SERP2: variants seen among roughly 807,000 people sequenced by gnomAD.
The protein encoded by SERP2 is stress associated endoplasmic reticulum protein family member 2, also known as stress-associated endoplasmic reticulum protein 2.
In SERP2, 6 loss-of-function variants were observed where a neutral mutation model predicts 9.1. The observed-to-expected ratio is 0.66, with a 90% CI of 0.36 to 1.30. The LOEUF (loss-of-function observed/expected upper bound fraction) is 1.30. SERP2 is among the 50% of genes most tolerant of loss of function. The probability of loss-of-function intolerance (pLI) is 0.03; values close to 1 mark genes in which losing one functional copy is unlikely to be tolerated. For synonymous variants in SERP2, 37 were observed against 27.3 expected, an observed-to-expected ratio of 1.35 and a Z score of -1.10; for missense variants, 58 against 81.9, an observed-to-expected ratio of 0.71 and a Z score of 1.13.
In SERP2 at chr13:44,379,634, C is replaced by A; in HGVS notation, c.85-7C>A. 1 of 1,608,432 alleles carries A rather than the reference C, an allele frequency of 6.2e-7. No homozygotes were observed. The highest frequency in any genetic ancestry group is 1.7e-5 in the Admixed American group (1 of 59,138). ...ACCTAATCTTACTTTTTCCCATTCCCTTTTAGAGGCCGCAAGAGGAGAAAT... is the reference window on the plus strand; with the variant it reads ...ACCTAATCTTACTTTTTCCCATTCCATTTTAGAGGCCGCAAGAGGAGAAAT... On this transcript the variant is annotated splice_polypyrimidine_tract_variant and splice_region_variant and intron_variant, in intron 1 of 2. Transcript: ENST00000379179.
intron 2 of SERP2, among the ~76,000 whole-genome samples, chr13:44,395,400 C>A (rs1175719148): frequency 6.6e-6 from 1 of 151,918 alleles, no homozygotes; most frequent in Non-Finnish European, 1.5e-5. Context: ...GTCAGGAGAT[C>A]GAGACCATTC....
chr13:44,392,697 G>A (rs1458670034), intron 2 of SERP2, among the ~76,000 whole-genome samples: 1 of 152,136 alleles, frequency 6.6e-6, no homozygotes, highest in African/African-American at 2.4e-5. Flanking sequence ...ACGAGATCAT[G>A]AGAAGGTCCT....
rs1475025317 is a variant in SERP2, at chr13:44,374,085, G to C, written c.60G>C (p.Gln20His). The C allele has an allele frequency of 6.3e-7, 1 of 1,582,066 alleles. No individual in the cohort carries two copies. The highest frequency in any genetic ancestry group is 8.6e-7 in the Non-Finnish European group (1 of 1,165,434). The change falls in exon 1 of 3, where the codon CAG (glutamine) becomes CAC (histidine). Residue 20 changes from glutamine (Q) to histidine (H), a missense_variant. Transcript: ENST00000379179. ...AGAAGCACAGCAAAAACATCACCCA[G>C]AGGGGGAACGTAGCCAAAACCCTGG... The part of the protein sequence containing the change: ...ANEKHSKNIT[Q>H]RGNVAKTLRP...
chr13:44,388,673 G>A (rs1281947003), intron 2 of SERP2, among the ~76,000 whole-genome samples: 3 of 152,198 alleles, frequency 2.0e-5, no homozygotes, highest in African/African-American at 7.2e-5. Flanking sequence ...TGCCTGCTGC[G>A]GGTTGCGGGA....
intron 2 of SERP2, among the ~76,000 whole-genome samples, chr13:44,390,169 C>T (rs1057068846): frequency 3.3e-5 from 5 of 152,168 alleles, no homozygotes. Flanking sequence ...TAAAACATCC[C>T]CTATTTTTCC....
intron 1 of SERP2, 72 bp downstream of exon 1, chr13:44,374,181 G>GGGGGGGGGGGGGGGGGGGC: frequency 2.2e-6 from 1 of 448,636 alleles, no homozygotes; most frequent in Non-Finnish European, 3.5e-6. Flanking sequence ...TGGGGGCGGG[G>GGGGGGGGGGGGGGGGGGGC]CCGGGCGGGT....
At chr13:44,379,855 G>A in intron 2 of SERP2, 142 bp downstream of exon 2, 1 of 581,178 alleles carries the variant, frequency 1.7e-6, no homozygotes, top group Non-Finnish European at 3.1e-6. Flanking sequence ...AATCTTAATG[G>A]GTTTTGATTT....
At position 44,390,343 on chromosome 13, in the gene SERP2, C is replaced by T. The variant is rs1030726247; in HGVS notation, c.158-6929C>T. 3.2e-5 allele frequency: 13 copies of T among 410,074 alleles called. No individual in the cohort carries two copies. In the East Asian group the frequency reaches 5.0e-4, roughly 16 times the overall value. The allele number at this position is 410,074 out of a possible 1,614,324, so 25.4% of individuals were successfully genotyped here. On this transcript the variant is annotated intron_variant, in intron 2 of 2. Coordinates refer to ENST00000379179, the MANE Select transcript of SERP2 (RefSeq NM_001010897.3). ...ACTTGCTCCAGGACAGACTTGAATT[C>T]GCCATATTTGCAGGTCAACCACATA... is the stretch of plus-strand genomic sequence containing the variant.
chr13:44,395,512 G>C (rs1388223382), intron 2 of SERP2, among the ~76,000 whole-genome samples: 1 of 150,722 alleles, frequency 6.6e-6, no homozygotes, highest in Non-Finnish European at 1.5e-5. Context: ...CCTGAGGCAG[G>C]AGAATGGCGT....
At chr13:44,392,842 T>G (rs1252531344) in intron 2 of SERP2, among the ~76,000 whole-genome samples, 3 of 151,974 alleles carry the variant, frequency 2.0e-5, no homozygotes, top group African/African-American at 7.3e-5. Flanking sequence ...CAATTCAAAC[T>G]GTGGGCTGGG....
At chr13:44,389,471 G>A (rs1872511590) in intron 2 of SERP2, among the ~76,000 whole-genome samples, 1 of 152,180 alleles carries the variant, frequency 6.6e-6, no homozygotes, top group African/African-American at 2.4e-5. Context: ...AGTGTTTGCT[G>A]TTCTTGTAAT....
Position 44,373,837 on chromosome 13 carries a change from C to G in SERP2, c.-189C>G. ...AGATGAGAGATTACTTCCGTCCGGG[C>G]TGCGGCCTCTCTCTGGAGTCGGCTA... On this transcript the variant is annotated 5_prime_UTR_variant, in exon 1 of 3. Coordinates refer to ENST00000379179, the MANE Select transcript of SERP2 (RefSeq NM_001010897.3). The surrounding 1 kb of genome is among the most constrained non-coding windows in gnomAD (Gnocchi z 4.8). 1 of 534,544 alleles carries G rather than the reference C, an allele frequency of 1.9e-6. No individual in the cohort carries two copies. The highest frequency in any genetic ancestry group is 2.0e-5 in the African/African-American group (1 of 48,968). The allele number at this position is 534,544 out of a possible 1,614,324, so 33.1% of individuals were successfully genotyped here.
chr13:44,386,613 G>C (rs1872333084), intron 2 of SERP2, among the ~76,000 whole-genome samples: 1 of 152,162 alleles, frequency 6.6e-6, no homozygotes, highest in Non-Finnish European at 1.5e-5. Context: ...CAAACTCCTG[G>C]CCTCAAGTGA....
intron 2 of SERP2, among the ~76,000 whole-genome samples, chr13:44,389,454 CT>C (rs1872510966): frequency 6.6e-6 from 1 of 152,168 alleles, no homozygotes. Flanking sequence ...ACAGTATTGG[CT>C]TTATAAGTGT....
At position 44,373,922 on chromosome 13, in the gene SERP2, C is replaced by T. The variant is rs914958996; in HGVS notation, c.-104C>T. On this transcript the variant is annotated 5_prime_UTR_variant, in exon 1 of 3. Coordinates refer to ENST00000379179, the MANE Select transcript of SERP2 (RefSeq NM_001010897.3). The surrounding 1 kb of genome is among the most constrained non-coding windows in gnomAD (Gnocchi z 4.8). ...GGGCCACGCCTTGCCACCTGCAGCG[C>T]CCGGGTGGGCCGCGGGGGCCTCGGC... 42 of 1,108,346 alleles carry T rather than the reference C, an allele frequency of 3.8e-5. No homozygotes were observed. The highest frequency in any genetic ancestry group is 5.5e-5 in the Non-Finnish European group (42 of 767,332). 68.7% of individuals were successfully genotyped at this position (1,108,346 alleles called of 1,614,324 possible).
intron 2 of SERP2, among the ~76,000 whole-genome samples, chr13:44,381,366 C>T (rs1374136861): frequency 1.3e-5 from 2 of 151,546 alleles, no homozygotes; most frequent in Non-Finnish European, 2.9e-5. Flanking sequence ...CATGGTGAAA[C>T]CCTGTCTCTA....
At chr13:44,393,734 G>A (rs957377628) in intron 2 of SERP2, among the ~76,000 whole-genome samples, 7 of 152,116 alleles carry the variant, frequency 4.6e-5, no homozygotes, top group Admixed American at 1.3e-4. Flanking sequence ...CTTCCCATTT[G>A]CCGCCTCAGA....
At chr13:44,391,645 G>A (rs2138795739) in intron 2 of SERP2, among the ~76,000 whole-genome samples, 1 of 152,302 alleles carries the variant, frequency 6.6e-6, no homozygotes, top group East Asian at 1.9e-4. Context: ...GGTTCTCAAA[G>A]TGTGGTCCCT....
intron 2 of SERP2, among the ~76,000 whole-genome samples, chr13:44,383,847 G>A (rs992207615): frequency 1.3e-5 from 2 of 151,610 alleles, no homozygotes; most frequent in African/African-American, 2.4e-5. Context: ...CAATGCGCTC[G>A]GCCACCCAGG....
Sources: allele counts gnomAD v4.1 joint callset (sites outside exome capture counted in the v4.1 genomes callset), GRCh38; gene constraint gnomAD v4.1.1; non-coding constraint Gnocchi (gnomAD v3.1); transcripts MANE v1.5; gene names NCBI Gene and HGNC (gene_info 2026-07-23, HGNC 2026-07-21).